KCNH3: variants seen among roughly 807,000 people sequenced by gnomAD.
KCNH3 encodes the protein voltage-gated inwardly rectifying potassium channel KCNH3.
KCNH3 carries 36 observed loss-of-function variants against 95.6 expected under a neutral mutation model. The ratio of observed to expected loss-of-function variants is 0.38; its 90% CI spans 0.29 to 0.50. The LOEUF is 0.50. Ranked by LOEUF, KCNH3 falls within the 20% of genes least tolerant of loss-of-function variation. The pLI, the probability that KCNH3 is intolerant of heterozygous loss-of-function variation, is 0.95. For missense variants in KCNH3, 1,030 were observed against 1,484.1 expected, an observed-to-expected ratio of 0.69 and a Z score of 5.03; for synonymous variants, 620 against 646.3, an observed-to-expected ratio of 0.96 and a Z score of 0.62.
rs540230406 is a variant in KCNH3, at chr12:49,555,567, T to C, written c.2137-53T>C. On this transcript the variant is annotated intron_variant, in intron 11 of 14. Transcript: ENST00000257981. The stretch of plus-strand genomic sequence containing the variant: ...ATGAAGCCTTGGTAGGGGAGGTGAG[T>C]GGGACACAATAGTGACCATCCATGC... The C allele has an allele frequency of 7.2e-4, 843 of 1,175,714 alleles. 10 individuals carry two copies. In the South Asian group the frequency reaches 0.012, roughly 17 times the overall value. The allele number at this position is 1,175,714 out of a possible 1,614,324, so 72.8% of individuals were successfully genotyped here.
intron 10 of KCNH3, among the ~76,000 whole-genome samples, chr12:49,552,100 G>A (rs903182270): frequency 1.3e-5 from 2 of 152,210 alleles, no homozygotes; most frequent in African/African-American, 4.8e-5. Context: ...AGTGTAGCTG[G>A]CAATCCTTGG....
chr12:49,550,043 T>TTCCCCCCCCCC, intron 9 of KCNH3, 37 bp from the exon 10 acceptor site: 3 of 1,299,542 alleles, frequency 2.3e-6, no homozygotes, highest in Non-Finnish European at 3.2e-6. Context: ...CTTCTGCCAC[T>TTCCCCCCCCCC]CCCAACCCCC....
Position 49,541,092 on chromosome 12 carries a change from C to T in KCNH3, c.270C>T (p.His90=). Residue 90 remains histidine (H), a synonymous_variant, in exon 2 of 15, where the codon CAC becomes CAT. Transcript: ENST00000257981. ...RQQIRKALDE[H]KEFKAELILY... is the part of the protein sequence containing the mutation. The stretch of plus-strand genomic sequence containing the variant: ...AGATCCGCAAGGCCCTGGACGAGCA[C>T]AAGGAGTTCAAGGCTGAGCTGATCC... The T allele has an allele frequency of 6.2e-7, 1 of 1,609,644 alleles. No homozygotes were observed.
intron 10 of KCNH3, among the ~76,000 whole-genome samples, chr12:49,551,458 C>T (rs942422993): frequency 2.6e-5 from 4 of 151,568 alleles, no homozygotes; most frequent in Non-Finnish European, 5.9e-5. Context: ...CACCTGTAAT[C>T]CAGGCTACTT....
intron 7 of KCNH3, among the ~76,000 whole-genome samples, chr12:49,544,602 C>T (rs890696562): frequency 2.0e-5 from 3 of 152,156 alleles, no homozygotes; most frequent in South Asian, 2.1e-4. Context: ...GAGTCCCAGT[C>T]GCCCATCCAG....
At position 49,557,371 on chromosome 12, in the gene KCNH3, G is replaced by C; in HGVS notation, c.2670G>C (p.Glu890Asp). The C allele has an allele frequency of 6.2e-7, 1 of 1,603,102 alleles. No individual in the cohort carries two copies. Among genetic ancestry groups the C allele is most frequent in the African/African-American group, 1.3e-5 (1 of 74,892 alleles). Reference protein sequence around the residue: ...KLRQAVTELSEQVLQMREGLQ... With the variant: ...KLRQAVTELSDQVLQMREGLQ... ...CCCCAAAGGTGACAGAGCTGTCAGA[G>C]CAGGTGCTGCAGATGCGGGAAGGAC... Residue 890 changes from glutamate to aspartate, a missense_variant, in exon 15 of 15, where the codon GAG (glutamate) becomes GAC (aspartate). Physicochemically the swap from Glu to Asp is conservative, Grantham distance 45. This residue lies in a region of KCNH3 where 464 missense variants were observed against 493.2 expected (regional missense o/e 0.94). Coordinates refer to ENST00000257981, the MANE Select transcript of KCNH3 (RefSeq NM_012284.3).
In KCNH3 at chr12:49,557,931, AG is replaced by A; in HGVS notation, c.3232del (p.Glu1078LysfsTer11). The A allele has an allele frequency of 1.3e-6, 2 of 1,508,922 alleles. No homozygotes were observed. Among genetic ancestry groups the A allele is most frequent in the Non-Finnish European group, 1.8e-6 (2 of 1,128,728 alleles). The allele number at this position is 1,508,922 out of a possible 1,614,324, so 93.5% of individuals were successfully genotyped here. A position where few individuals can be genotyped will look rare whatever the true frequency, so the allele number is the denominator to read the frequency against. The stretch of plus-strand genomic sequence containing the variant: ...GGCTCTGGCACAGTCCAGTGGACCC[AG>A]GAAGAAGGCACAGGGGTCTGAGTAC... ...CHGSGTVQWT[Q>X]EEGTGV is the part of the protein sequence containing the mutation. On this transcript the variant is annotated frameshift_variant, in exon 15 of 15. Transcript: ENST00000257981. LOFTEE classifies it high-confidence loss of function.
At chr12:49,547,450 G>GA (rs1371695155) in intron 7 of KCNH3, among the ~76,000 whole-genome samples, 1 of 152,220 alleles carries the variant, frequency 6.6e-6, no homozygotes, top group East Asian at 1.9e-4. Context: ...ACTACCCTTT[G>GA]AAACCAAGCA....
rs770863032 is a variant in KCNH3, at chr12:49,549,598, C to G, written c.1626C>G (p.Phe542Leu). ...KPLKQRMLEYFQATWAVNNGI... is the reference protein window; with the variant it reads ...KPLKQRMLEYLQATWAVNNGI... ...TCAAGCAGCGCATGCTGGAGTACTT[C>G]CAGGCCACCTGGGCGGTGAACAATG... Residue 542 changes from phenylalanine (F) to leucine (L), a missense_variant, in exon 9 of 15, where the codon TTC (phenylalanine) becomes TTG (leucine). Physicochemically the swap from Phe to Leu is conservative, Grantham distance 22. This residue lies in a region of KCNH3 where 160 missense variants were observed against 316.2 expected (regional missense o/e 0.51). Transcript: ENST00000257981. 1.2e-6 allele frequency: 2 copies of G among 1,612,404 alleles called. No individual in the cohort carries two copies. The highest frequency in any genetic ancestry group is 2.7e-5 in the African/African-American group (2 of 75,070).
chr12:49,558,080 C>T lies in KCNH3; in HGVS notation c.*127C>T. 2 of 1,131,214 alleles carry T rather than the reference C, an allele frequency of 1.8e-6. No homozygotes were observed. Among genetic ancestry groups the T allele is most frequent in the Non-Finnish European group, 2.3e-6 (2 of 851,936 alleles). 70.1% of individuals were successfully genotyped at this position (1,131,214 alleles called of 1,614,324 possible). On this transcript the variant is annotated 3_prime_UTR_variant, in exon 15 of 15. Transcript: ENST00000257981. ...CGGCCCGCTGGCTCAGGGCAGGGAG[C>T]CTGGAAGCAAAGGAGGACCTGGCTC...
In KCNH3 at chr12:49,555,740, C is replaced by A. The variant is rs781111073; in HGVS notation, c.2257C>A (p.Leu753Met). 3 of 1,613,428 alleles carry A rather than the reference C, an allele frequency of 1.9e-6. No homozygotes were observed. The highest frequency in any genetic ancestry group is 1.7e-6 in the Non-Finnish European group (2 of 1,179,784). The change falls in exon 12 of 15, where the codon CTG becomes ATG. Residue 753 changes from leucine to methionine, a missense_variant. Coordinates refer to ENST00000257981, the MANE Select transcript of KCNH3 (RefSeq NM_012284.3). ...CCCAGCTGATGAGCCCTCCAGCCCC[C>A]TGCTGTCCCCTGGCTGCACCTCCTC... ...PAPADEPSSP[L>M]LSPGCTSSSS...
chr12:49,555,434 AAG>A (rs1277431277), intron 11 of KCNH3, among the ~76,000 whole-genome samples, 184 bp from the exon 12 acceptor site: 2 of 148,718 alleles, frequency 1.3e-5, no homozygotes, highest in Non-Finnish European at 3.0e-5. Flanking sequence ...GCGACAGAGT[AAG>A]ACTCTGTCTC....
At chr12:49,549,267 G>A (rs1009796377) in intron 8 of KCNH3, 94 bp downstream of exon 8, 39 of 1,479,818 alleles carry the variant, frequency 2.6e-5, no homozygotes, top group Admixed American at 2.1e-4. Context: ...GAGGCCGGGG[G>A]CTCTTCCGCT....
chr12:49,557,420 C>A lies in KCNH3; in HGVS notation c.2719C>A (p.Gln907Lys). ...ACTGCAGTCACTTCGCCAGGCTGTG[C>A]AGCTTGTCCTGGCGCCCCACAGGGA... Reference protein sequence around the residue: ...EGLQSLRQAVQLVLAPHREGP... With the variant: ...EGLQSLRQAVKLVLAPHREGP... The change falls in exon 15 of 15, where the codon CAG becomes AAG. Residue 907 changes from glutamine to lysine, a missense_variant. Physicochemically the swap from Gln to Lys is moderately conservative, Grantham distance 53 (BLOSUM62 1). Transcript: ENST00000257981. 1.2e-6 allele frequency: 2 copies of A among 1,602,976 alleles called. No individual in the cohort carries two copies. Among genetic ancestry groups the A allele is most frequent in the Admixed American group, 1.7e-5 (1 of 59,568 alleles).
rs546011736 is a variant in KCNH3, at chr12:49,555,821, G to C, written c.2338G>C (p.Gly780Arg). The C allele has an allele frequency of 5.0e-6, 8 of 1,613,446 alleles. No individual in the cohort carries two copies. In the African/African-American group the frequency reaches 8.0e-5, roughly 16 times the overall value. ...TCGAACAGCACCCCGGCCTCGTCTA[G>C]GTGGCAGAGGGAGGCCAGGCAGGGC... is the stretch of plus-strand genomic sequence containing the variant. ...PRRTAPRPRL[G>R]GRGRPGRAGA... The change falls in exon 12 of 15, where the codon GGT becomes CGT. Residue 780 changes from glycine (G) to arginine (R), a missense_variant. Gly to Arg is a moderately radical substitution (Grantham distance 125, BLOSUM62 -2). Transcript: ENST00000257981.
intron 12 of KCNH3, 90 bp from the exon 13 acceptor site, chr12:49,556,278 CTG>C (rs944086173): frequency 1.3e-5 from 12 of 916,984 alleles, no homozygotes; most frequent in Non-Finnish European, 1.8e-5. Flanking sequence ...CTCCTGCAGC[CTG>C]TGTGTGTGGA....
At chr12:49,549,359 C>T in intron 8 of KCNH3, 82 bp from the exon 9 acceptor site, 2 of 1,533,904 alleles carry the variant, frequency 1.3e-6, no homozygotes, top group Non-Finnish European at 8.9e-7. Flanking sequence ...TAGGAGCGTG[C>T]GGGCCGAGGA....
intron 11 of KCNH3, 44 bp from the exon 12 acceptor site, chr12:49,555,576 A>G (rs1347247438): frequency 7.5e-7 from 1 of 1,328,250 alleles, no homozygotes; most frequent in Non-Finnish European, 1.0e-6. Flanking sequence ...GTGGGACACA[A>G]TAGTGACCAT....
intron 7 of KCNH3, among the ~76,000 whole-genome samples, chr12:49,545,156 C>G (rs1319635765): frequency 6.6e-6 from 1 of 152,156 alleles, no homozygotes; most frequent in Non-Finnish European, 1.5e-5. Context: ...CCTCCAAGTT[C>G]CAGGGTCTCC....
Sources: allele counts gnomAD v4.1 joint callset (sites outside exome capture counted in the v4.1 genomes callset), GRCh38; gene constraint gnomAD v4.1.1; regional missense constraint gnomAD v4.1.1; transcripts MANE v1.5; gene names NCBI Gene and HGNC (gene_info 2026-07-23, HGNC 2026-07-21).